The following NUP205 variants were observed in gnomAD, a reference collection of about 807,000 sequenced individuals.
NUP205 encodes the protein nucleoporin 205, also known as nuclear pore complex protein Nup205.
A neutral mutation model predicts 253.8 loss-of-function variants in NUP205; 76 were observed. That is an observed-to-expected ratio of 0.30 (90% CI 0.25 to 0.36). The LOEUF (loss-of-function observed/expected upper bound fraction) is 0.36, where lower values mean the gene tolerates loss of function less well. NUP205 is among the 10% of genes least tolerant of loss of function. NUP205 has a pLI of 1.00. For synonymous variants in NUP205, 832 were observed against 850.1 expected, an observed-to-expected ratio of 0.98 and a Z score of 0.37; for missense variants, 2,162 against 2,425.5, an observed-to-expected ratio of 0.89 and a Z score of 2.28.
At chr7:135,611,469 A>C (rs73725190) in intron 22 of NUP205, among the ~76,000 whole-genome samples, 1 of 152,324 alleles carries the variant, frequency 6.6e-6, no homozygotes, top group African/African-American at 2.4e-5. Context: ...AAAACTGTTT[A>C]AAAGGTCAAT....
intron 42 of NUP205, 98 bp from the exon 43 acceptor site, chr7:135,648,306 A>G: frequency 9.7e-7 from 1 of 1,032,466 alleles, no homozygotes; most frequent in South Asian, 2.8e-5. Context: ...AAAGAACCAC[A>G]TTACAAAAAT....
Position 135,627,957 on chromosome 7 carries a change from GTT to G in NUP205, c.4794-14_4794-13del. The G allele has an allele frequency of 6.2e-7, 1 of 1,612,084 alleles. No individual in the cohort carries two copies. The highest frequency in any genetic ancestry group is 8.5e-7 in the Non-Finnish European group (1 of 1,179,032). ...TTAATTCTTGGAATGTTTTCTCCTT[GTT>G]TGGTTGAAATAAGCATGTTTGGCAT... On this transcript the variant is annotated splice_polypyrimidine_tract_variant and intron_variant, in intron 33 of 42. Coordinates refer to ENST00000285968, the MANE Select transcript of NUP205 (RefSeq NM_015135.3).
At chr7:135,648,052 T>G (rs915482931) in intron 42 of NUP205, among the ~76,000 whole-genome samples, 1 of 151,912 alleles carries the variant, frequency 6.6e-6, no homozygotes, top group Non-Finnish European at 1.5e-5. Context: ...GCATTCTCCT[T>G]CCCTCCCTCC....
Position 135,576,504 on chromosome 7 carries a change from T to TGTAA in NUP205, c.488+91_488+94dup, listed in dbSNP as rs1353619101. ...CTTATTATATACAATCTGAGCAATA[T>TGTAA]GTAACATAAGCTGAGTAATATACTC... On this transcript the variant is annotated intron_variant, in intron 4 of 42. Coordinates refer to ENST00000285968, the MANE Select transcript of NUP205 (RefSeq NM_015135.3). The TGTAA allele has an allele frequency of 8.2e-5, 93 of 1,136,268 alleles. No individual in the cohort carries two copies. In the South Asian group the frequency reaches 1.3e-3, roughly 15 times the overall value. The allele number at this position is 1,136,268 out of a possible 1,614,324, so 70.4% of individuals were successfully genotyped here. A position where few individuals can be genotyped will look rare whatever the true frequency, so the allele number is the denominator to read the frequency against.
At chr7:135,630,668 G>A (rs1794693398) in intron 35 of NUP205, among the ~76,000 whole-genome samples, 198 bp downstream of exon 35, 1 of 152,064 alleles carries the variant, frequency 6.6e-6, no homozygotes, top group Admixed American at 6.6e-5. Context: ...TCATGCCTGT[G>A]ATCTCATCAC....
intron 13 of NUP205, among the ~76,000 whole-genome samples, chr7:135,596,980 A>G (rs1793855297): frequency 6.6e-6 from 1 of 152,022 alleles, no homozygotes. Context: ...AAAAATTGAA[A>G]AAAAGAAGTT....
At position 135,625,200 on chromosome 7, in the gene NUP205, G is replaced by A. The variant is rs753079369; in HGVS notation, c.4516G>A (p.Val1506Met). The change falls in exon 32 of 43, where the codon GTG (valine) becomes ATG (methionine). Residue 1506 changes from valine (V) to methionine (M), a missense_variant. Around this residue, in one of 5 missense-constraint regions of NUP205, gnomAD observed 1,144 missense variants for 1,280.9 expected, o/e 0.89. Coordinates refer to ENST00000285968, the MANE Select transcript of NUP205 (RefSeq NM_015135.3). ...ALALLDRIVSVDKQQQWLLYL... is the reference protein window; with the variant it reads ...ALALLDRIVSMDKQQQWLLYL... Reference sequence around the variant, plus strand: ...GGCTCTACTTGATAGAATTGTCTCCGTGGATAAACAGCAGCAGTGGCTTTT... The same window carrying A: ...GGCTCTACTTGATAGAATTGTCTCCATGGATAAACAGCAGCAGTGGCTTTT... 12 of 1,613,602 alleles carry A rather than the reference G, an allele frequency of 7.4e-6. No homozygotes were observed. Among genetic ancestry groups the A allele is most frequent in the East Asian group, 2.2e-5 (1 of 44,864 alleles).
chr7:135,632,731 T>C (rs1337461621), intron 35 of NUP205, among the ~76,000 whole-genome samples: 1 of 152,018 alleles, frequency 6.6e-6, no homozygotes, highest in East Asian at 1.9e-4. Flanking sequence ...AGGCCACCCT[T>C]CTTGTCTCTA....
chr7:135,620,831 T>C (rs1330974979), intron 30 of NUP205, among the ~76,000 whole-genome samples: 1 of 152,194 alleles, frequency 6.6e-6, no homozygotes, highest in Non-Finnish European at 1.5e-5. Flanking sequence ...TTCCAAGAAG[T>C]GGAATTTCTT....
chr7:135,570,057 A>G (rs1805907666), intron 1 of NUP205, among the ~76,000 whole-genome samples: 1 of 72,666 alleles, frequency 1.4e-5, no homozygotes, highest in Non-Finnish European at 3.6e-5. Flanking sequence ...ATATATAGAG[A>G]GAGAGAGAGA....
At chr7:135,616,772 T>C (rs1284745415) in intron 25 of NUP205, 46 bp downstream of exon 25, 1 of 1,136,520 alleles carries the variant, frequency 8.8e-7, no homozygotes, top group Non-Finnish European at 1.2e-6. Flanking sequence ...TAGACATATA[T>C]TAAAAAAAAA....
At chr7:135,609,832 T>A (rs916512299) in intron 22 of NUP205, among the ~76,000 whole-genome samples, 3 of 152,322 alleles carry the variant, frequency 2.0e-5, no homozygotes, top group East Asian at 1.9e-4. Context: ...TAATTCTTCC[T>A]TATGGGGGAA....
At chr7:135,567,226 T>G (rs1367222110) in intron 1 of NUP205, among the ~76,000 whole-genome samples, 1 of 132,700 alleles carries the variant, frequency 7.5e-6, no homozygotes, top group Non-Finnish European at 1.6e-5. Flanking sequence ...AATGAAAGTA[T>G]GAATAAATAA....
intron 1 of NUP205, among the ~76,000 whole-genome samples, chr7:135,560,383 CAA>C (rs981988396): frequency 1.3e-5 from 2 of 152,140 alleles, no homozygotes; most frequent in African/African-American, 4.8e-5. Context: ...CCAACAGCAG[CAA>C]AGAGTGTACA....
At chr7:135,621,000 C>G (rs955500101) in intron 30 of NUP205, among the ~76,000 whole-genome samples, 2 of 152,178 alleles carry the variant, frequency 1.3e-5, no homozygotes, top group African/African-American at 4.8e-5. Flanking sequence ...GATGTTCAAT[C>G]AAGTTATTCA....
Position 135,618,541 on chromosome 7 carries a change from C to T in NUP205, c.3901C>T (p.Leu1301Phe). The T allele has an allele frequency of 6.2e-7, 1 of 1,613,552 alleles. No individual in the cohort carries two copies. The change falls in exon 28 of 43, where the codon CTC (leucine) becomes TTC (phenylalanine). Residue 1301 changes from leucine to phenylalanine, a missense_variant. Leu to Phe is a conservative substitution (Grantham distance 22). Transcript: ENST00000285968. ...TATACTGACAGCTTGTCCCCAGGAC[C>T]TCATTCAGGCAGAGGATCGACAACT... is the stretch of plus-strand genomic sequence containing the variant. ...EIILTACPQD[L>F]IQAEDRQLII...
intron 1 of NUP205, among the ~76,000 whole-genome samples, chr7:135,566,980 C>T (rs1011942112): frequency 8.6e-5 from 13 of 151,166 alleles, no homozygotes; most frequent in African/African-American, 2.9e-4. Flanking sequence ...ACCTCGTGAT[C>T]GGCCCACCTC....
At chr7:135,585,111 A>G (rs1806420790) in intron 8 of NUP205, 104 bp downstream of exon 8, 1 of 965,910 alleles carries the variant, frequency 1.0e-6, no homozygotes, top group Non-Finnish European at 1.5e-6. Context: ...AAAATTTTTA[A>G]TACAGACTAA....
intron 28 of NUP205, 44 bp from the exon 29 acceptor site, chr7:135,619,379 G>A: frequency 6.3e-7 from 1 of 1,579,634 alleles, no homozygotes; most frequent in Middle Eastern, 2.3e-4. Context: ...AATGATTATA[G>A]CTGAAAGCAG....
Sources: gnomAD v4.1 joint callset for allele counts (sites outside exome capture counted in the v4.1 genomes callset) on GRCh38, gnomAD v4.1.1 for gene constraint, gnomAD v4.1.1 regional missense constraint, MANE v1.5 for transcripts, NCBI Gene and HGNC (gene_info 2026-07-23, HGNC 2026-07-21) for gene names.